The following UGT1A9 variants were observed in gnomAD, a reference collection of about 807,000 sequenced individuals.
The protein encoded by UGT1A9 is UDP-glucuronosyltransferase 1A9.
UGT1A9 carries 35 observed loss-of-function variants against 45.0 expected under a neutral mutation model. The observed-to-expected ratio is 0.78, with a 90% CI of 0.59 to 1.03. The LOEUF (loss-of-function observed/expected upper bound fraction) is 1.03. UGT1A9 is among the 50% of genes least tolerant of loss of function. UGT1A9 has a pLI of 0.00. For missense variants in UGT1A9, 687 were observed against 666.6 expected (o/e 1.03, Z -0.34); for synonymous variants, 278 against 250.6 (o/e 1.11, Z -1.03).
chr2:233,767,784 A>C, intron 2 of UGT1A9, 65 bp from the exon 3 acceptor site: 1 of 1,613,694 alleles, frequency 6.2e-7, no homozygotes, highest in East Asian at 2.2e-5. Flanking sequence ...TAGTTAGTAT[A>C]GCAGATTTGT....
At chr2:233,766,610 TC>T (rs1292898350) in intron 1 of UGT1A9, among the ~76,000 whole-genome samples, 1 of 152,172 alleles carries the variant, frequency 6.6e-6, no homozygotes, top group Non-Finnish European at 1.5e-5. Context: ...CACACCCTCT[TC>T]TACCCAGCAC....
In UGT1A9 at chr2:233,772,482, T is replaced by G. The variant is rs780493798; in HGVS notation, c.1516T>G (p.Cys506Gly). Residue 506 changes from cysteine to glycine, a missense_variant, in exon 5 of 5, where the codon TGT becomes GGT. Transcript: ENST00000354728. ...GACAGTGGCCTTCATCACCTTTAAATGTTGTGCTTATGGCTACCGGAAATG... is the reference window on the plus strand; with the variant it reads ...GACAGTGGCCTTCATCACCTTTAAAGGTTGTGCTTATGGCTACCGGAAATG... Reference protein sequence around the residue: ...VLTVAFITFKCCAYGYRKCLG... With the variant: ...VLTVAFITFKGCAYGYRKCLG... 5.0e-6 allele frequency: 8 copies of G among 1,614,124 alleles called. No homozygotes were observed. The Admixed American group carries it at 1.3e-4, about 27-fold the overall frequency.
chr2:233,695,872 G>A (rs888904752), intron 1 of UGT1A9, among the ~76,000 whole-genome samples: 2 of 152,048 alleles, frequency 1.3e-5, no homozygotes, highest in African/African-American at 4.8e-5. Context: ...AACAAACAAC[G>A]CAGAAAACTT....
At chr2:233,690,618 A>G (rs2074999985) in intron 1 of UGT1A9, 6 of 1,288,652 alleles carry the variant, frequency 4.7e-6, no homozygotes, top group Non-Finnish European at 6.1e-6. Flanking sequence ...TTGCCTGGAC[A>G]CTCAAGTGAT....
At chr2:233,702,042 A>C (rs1306276715) in intron 1 of UGT1A9, among the ~76,000 whole-genome samples, 1 of 152,222 alleles carries the variant, frequency 6.6e-6, no homozygotes, top group Non-Finnish European at 1.5e-5. Flanking sequence ...CCCTTCAAAA[A>C]ATTAACAATT....
At position 233,768,097 on chromosome 2, in the gene UGT1A9, T is replaced by C. The variant is rs1699562988; in HGVS notation, c.1076-123T>C. On this transcript the variant is annotated intron_variant, in intron 3 of 4. Transcript: ENST00000354728. ...GGGTATCTCAACCCACATTTTCTTC[T>C]GCAAATTTCTGCAAGGGCATGTGAG... The C allele has an allele frequency of 4.4e-6, 7 of 1,590,772 alleles. No homozygotes were observed. The Admixed American group carries it at 1.2e-4, about 28-fold the overall frequency.
At chr2:233,686,540 C>T (rs545175135) in intron 1 of UGT1A9, among the ~76,000 whole-genome samples, 71 of 152,184 alleles carry the variant, frequency 4.7e-4, no homozygotes, top group African/African-American at 1.5e-3. Flanking sequence ...CTAACCTTTC[C>T]GTGGCTTTCT....
At position 233,672,612 on chromosome 2, in the gene UGT1A9, T is replaced by C. The variant is rs1208822826; in HGVS notation, c.678T>C (p.Asn226=). The C allele has an allele frequency of 1.2e-6, 2 of 1,613,918 alleles. No homozygotes were observed. Among genetic ancestry groups the C allele is most frequent in the East Asian group, 4.5e-5 (2 of 44,878 alleles). The change falls in exon 1 of 5, where the codon AAT becomes AAC. Residue 226 remains asparagine, a synonymous_variant. Coordinates refer to ENST00000354728, the MANE Select transcript of UGT1A9 (RefSeq NM_021027.3). ...EHLLCHRFFK[N]ALEIASEILQ... is the part of the protein sequence containing the mutation. ...TATTATGCCACCGTTTTTTCAAAAA[T>C]GCCCTAGAAATAGCCTCTGAAATTC...
chr2:233,765,711 TTAA>T (rs10664358), intron 1 of UGT1A9, among the ~76,000 whole-genome samples: 5,413 of 149,254 alleles, frequency 0.036, 331 homozygotes, highest in African/African-American at 0.13. Context: ...ATAATAATAA[TTAA>T]TAATAATAAT....
At chr2:233,695,917 A>G (rs2075314199) in intron 1 of UGT1A9, among the ~76,000 whole-genome samples, 1 of 152,158 alleles carries the variant, frequency 6.6e-6, no homozygotes, top group African/African-American at 2.4e-5. Context: ...TTTTCTCCAC[A>G]CACCAAGCAA....
chr2:233,761,244 C>A lies in UGT1A9; in HGVS notation c.856-5790C>A, dbSNP rs555483711. 5.0e-6 allele frequency: 8 copies of A among 1,610,826 alleles called. No homozygotes were observed. In the African/African-American group the frequency reaches 1.1e-4, roughly 21 times the overall value. On this transcript the variant is annotated intron_variant, in intron 1 of 4. Transcript: ENST00000354728. ...TAGCCCCAGATATATGCTGAGCAAG[C>A]ATTCTGAGATAATTTAAAATGCCCT...
chr2:233,687,720 T>C (rs1399699697), intron 1 of UGT1A9, among the ~76,000 whole-genome samples: 1 of 150,430 alleles, frequency 6.6e-6, no homozygotes, highest in Non-Finnish European at 1.5e-5. Flanking sequence ...CTGGACAACA[T>C]AGGGAGACAC....
At chr2:233,748,216 G>A in intron 1 of UGT1A9, 1 of 1,478,190 alleles carries the variant, frequency 6.8e-7, no homozygotes, top group South Asian at 1.3e-5. Flanking sequence ...CCTTCAGTGA[G>A]ATAAACTGTT....
intron 1 of UGT1A9, chr2:233,761,022 G>A (rs749651784): frequency 1.2e-6 from 2 of 1,614,120 alleles, no homozygotes; most frequent in Non-Finnish European, 1.7e-6. Context: ...TGACTGTCCA[G>A]GACCTATTGA....
Position 233,743,192 on chromosome 2 carries a change from T to C in UGT1A9, c.856-23842T>C, listed in dbSNP as rs560095677. ...AAAGTCAAATGTGGACTGGAATTAC[T>C]TGGTGTCAATGCGGAGTAACTGCTC... On this transcript the variant is annotated intron_variant, in intron 1 of 4. Coordinates refer to ENST00000354728, the MANE Select transcript of UGT1A9 (RefSeq NM_021027.3). The C allele has an allele frequency of 2.2e-3, 846 of 376,748 alleles. 20 individuals carry two copies. The highest frequency in any genetic ancestry group is 0.016 in the South Asian group (827 of 50,812). 23.3% of individuals were successfully genotyped at this position (376,748 alleles called of 1,614,324 possible). A position where few individuals can be genotyped will look rare whatever the true frequency, so the allele number is the denominator to read the frequency against.
At chr2:233,762,313 T>A (rs1035982374) in intron 1 of UGT1A9, among the ~76,000 whole-genome samples, 5 of 152,234 alleles carry the variant, frequency 3.3e-5, no homozygotes, top group Admixed American at 3.3e-4. Context: ...AGTTAATGGG[T>A]CGAGAGTAAT....
chr2:233,733,145 T>C (rs2078361109), intron 1 of UGT1A9, among the ~76,000 whole-genome samples: 1 of 152,246 alleles, frequency 6.6e-6, no homozygotes, highest in Non-Finnish European at 1.5e-5. Flanking sequence ...TTGTGATTTT[T>C]GCACATTGAT....
chr2:233,754,548 G>A (rs760098781), intron 1 of UGT1A9: 6 of 380,460 alleles, frequency 1.6e-5, no homozygotes, highest in African/African-American at 2.1e-5. Context: ...GGAATTACTT[G>A]GTGTCAATGG....
Position 233,748,513 on chromosome 2 carries a change from T to C in UGT1A9, c.856-18521T>C, listed in dbSNP as rs527780891. Among the ~76,000 whole-genome samples the C allele has an allele frequency of 5.3e-5, 8 of 151,912 alleles. No homozygotes were observed. The South Asian group carries it at 1.7e-3, about 31-fold the overall frequency. The stretch of plus-strand genomic sequence containing the variant: ...TGTGATAATTTTTAGTGGTCCTGTC[T>C]TGCGAATGATAGAGAGGTGACCACA... On this transcript the variant is annotated intron_variant, in intron 1 of 4. Transcript: ENST00000354728.
Sources: allele counts gnomAD v4.1 joint callset (sites outside exome capture counted in the v4.1 genomes callset), GRCh38; gene constraint gnomAD v4.1.1; transcripts MANE v1.5; gene names NCBI Gene and HGNC (gene_info 2026-07-23, HGNC 2026-07-21).